The following QTMAN variants were observed in gnomAD, a reference collection of about 807,000 sequenced individuals.
QTMAN encodes the protein tRNA-queuosine alpha-mannosyltransferase.
At chr2:143,978,304 T>G in the QTMAN span, among the ~76,000 whole-genome samples, 1 of 152,202 alleles carries the variant, frequency 6.6e-6, no homozygotes, top group Non-Finnish European at 1.5e-5. Context: ...CCTAATGACC[T>G]TTTCCCCAGT....
the QTMAN span, among the ~76,000 whole-genome samples, chr2:143,954,202 T>C: frequency 6.6e-6 from 1 of 152,032 alleles, no homozygotes; most frequent in Admixed American, 6.6e-5. Context: ...GTTCTGAGTT[T>C]ATAAACCAGT....
At chr2:144,115,072 T>C in the QTMAN span, among the ~76,000 whole-genome samples, 2 of 151,738 alleles carry the variant, frequency 1.3e-5, no homozygotes, top group Non-Finnish European at 2.9e-5. Flanking sequence ...CTACTAAAAA[T>C]ACAAAAAAAT....
At chr2:144,309,006 GAATA>G in the QTMAN span, among the ~76,000 whole-genome samples, 13 of 152,090 alleles carry the variant, frequency 8.5e-5, no homozygotes, top group Non-Finnish European at 1.6e-4. Flanking sequence ...AATGGCCAAT[GAATA>G]AATGAAAATA....
chr2:144,152,883 C>A, the QTMAN span, among the ~76,000 whole-genome samples: 1 of 152,162 alleles, frequency 6.6e-6, no homozygotes, highest in Non-Finnish European at 1.5e-5. Flanking sequence ...CTCTCTCCTG[C>A]ACAAGAAATG....
the QTMAN span, among the ~76,000 whole-genome samples, chr2:144,145,101 T>C: frequency 7.0e-6 from 1 of 143,530 alleles, no homozygotes; most frequent in Admixed American, 7.0e-5. Context: ...TTCTCTGTCT[T>C]ACAATTTAAA....
chr2:144,036,985 T>C, the QTMAN span, among the ~76,000 whole-genome samples: 1 of 152,146 alleles, frequency 6.6e-6, no homozygotes, highest in African/African-American at 2.4e-5. Flanking sequence ...GAATGAACCT[T>C]GAAAAATTAT....
the QTMAN span, among the ~76,000 whole-genome samples, chr2:144,104,675 C>A: frequency 6.6e-6 from 1 of 152,246 alleles, no homozygotes; most frequent in African/African-American, 2.4e-5. Flanking sequence ...GACTCCACCT[C>A]TGGGGGCAGG....
chr2:144,250,840 G>C, the QTMAN span, among the ~76,000 whole-genome samples: 1 of 147,962 alleles, frequency 6.8e-6, no homozygotes, highest in Non-Finnish European at 1.5e-5. Flanking sequence ...GTGCTTATTA[G>C]ACACTGACTT....
At chr2:144,160,342 A>C in the QTMAN span, among the ~76,000 whole-genome samples, 1 of 152,146 alleles carries the variant, frequency 6.6e-6, no homozygotes, top group Non-Finnish European at 1.5e-5. Flanking sequence ...GATTACAGCA[A>C]TAAAAATAAT....
the QTMAN span, among the ~76,000 whole-genome samples, chr2:144,268,856 C>T: frequency 6.6e-6 from 1 of 152,108 alleles, no homozygotes; most frequent in African/African-American, 2.4e-5. Context: ...ATGGCACGAT[C>T]TCGGCTCACT....
the QTMAN span, among the ~76,000 whole-genome samples, chr2:144,196,036 C>T: frequency 6.6e-6 from 1 of 152,090 alleles, no homozygotes; most frequent in Admixed American, 6.5e-5. Context: ...TAGAAAAATA[C>T]TTTTCATTAA....
the QTMAN span, among the ~76,000 whole-genome samples, chr2:144,324,819 A>G: frequency 6.6e-6 from 1 of 151,910 alleles, no homozygotes; most frequent in Non-Finnish European, 1.5e-5. Context: ...GTGTCAGTAC[A>G]CATCTCTGTG....
At chr2:144,292,219 T>C in the QTMAN span, among the ~76,000 whole-genome samples, 1 of 152,148 alleles carries the variant, frequency 6.6e-6, no homozygotes, top group African/African-American at 2.4e-5. Flanking sequence ...TCAAACCCAG[T>C]TTGGGACAGT....
At chr2:143,973,960 T>C in the QTMAN span, among the ~76,000 whole-genome samples, 1 of 152,198 alleles carries the variant, frequency 6.6e-6, no homozygotes, top group Non-Finnish European at 1.5e-5. Context: ...CATCCATAGA[T>C]TTTACCCCAG....
the QTMAN span, among the ~76,000 whole-genome samples, chr2:144,111,942 G>A: frequency 1.3e-5 from 2 of 152,116 alleles, no homozygotes; most frequent in Non-Finnish European, 2.9e-5. Context: ...CATCACTAAG[G>A]AGTGAAGTAT....
the QTMAN span, among the ~76,000 whole-genome samples, chr2:144,189,748 T>C: frequency 6.6e-6 from 1 of 152,064 alleles, no homozygotes; most frequent in African/African-American, 2.4e-5. Context: ...GCCTCCCAAG[T>C]AGCTGGGATT....
At chr2:143,948,982 C>T in the QTMAN span, among the ~76,000 whole-genome samples, 9 of 152,056 alleles carry the variant, frequency 5.9e-5, no homozygotes, top group African/African-American at 1.9e-4. Flanking sequence ...CAACTGTAGA[C>T]ATAAACTTTG....
At chr2:144,305,093 G>A in the QTMAN span, among the ~76,000 whole-genome samples, 1 of 152,088 alleles carries the variant, frequency 6.6e-6, no homozygotes, top group Non-Finnish European at 1.5e-5. Flanking sequence ...AAAGTATAAA[G>A]TTTTTAATTT....
chr2:144,213,966 T>C, the QTMAN span, among the ~76,000 whole-genome samples: 1 of 151,978 alleles, frequency 6.6e-6, no homozygotes, highest in Non-Finnish European at 1.5e-5. Context: ...CAGAGTAAAA[T>C]AGGGCAGGGG....
Sources: allele counts gnomAD v4.1 joint callset (sites outside exome capture counted in the v4.1 genomes callset), GRCh38; gene constraint gnomAD v4.1.1; transcripts MANE v1.5; gene names NCBI Gene and HGNC (gene_info 2026-07-23, HGNC 2026-07-21).